The following KCNN2 variants were observed in gnomAD, a reference collection of about 807,000 sequenced individuals.
KCNN2 encodes the protein potassium calcium-activated channel subfamily N member 2, also known as small conductance calcium-activated potassium channel protein 2.
In KCNN2, 24 loss-of-function variants were observed where a neutral mutation model predicts 55.5. The observed-to-expected ratio is 0.43, with a 90% CI of 0.31 to 0.61. KCNN2 has a LOEUF of 0.61. KCNN2 is among the 20% of genes least tolerant of loss of function. KCNN2 has a pLI of 0.08. For missense variants in KCNN2, 754 were observed against 853.6 expected (o/e 0.88, Z 1.45); for synonymous variants, 431 against 336.1 (o/e 1.28, Z -3.09).
At chr5:114,265,324 G>GGTGTGTGT (rs60111802) in intron 2 of KCNN2, among the ~76,000 whole-genome samples, 1 of 149,126 alleles carries the variant, frequency 6.7e-6, no homozygotes, top group African/African-American at 2.5e-5. Context: ...ATCAAGAGGA[G>GGTGTGTGT]GTGTGTGTGT....
intron 2 of KCNN2, among the ~76,000 whole-genome samples, chr5:114,325,910 T>C (rs1459234216): frequency 6.6e-6 from 1 of 152,216 alleles, no homozygotes; most frequent in African/African-American, 2.4e-5. Flanking sequence ...CAGTACTATA[T>C]ACATCAAATG....
chr5:114,058,921 C>G (rs1242966929), intron 1 of KCNN2, among the ~76,000 whole-genome samples: 1 of 152,162 alleles, frequency 6.6e-6, no homozygotes, highest in Non-Finnish European at 1.5e-5. Flanking sequence ...AGGTTACTTA[C>G]TGCGCAGGAG....
chr5:114,229,552 A>G (rs144816683), intron 2 of KCNN2, among the ~76,000 whole-genome samples: 67 of 152,106 alleles, frequency 4.4e-4, no homozygotes, highest in African/African-American at 1.6e-3. Context: ...GATTTAGGAC[A>G]TATCAGAGTA....
chr5:114,234,026 CT>C (rs565192593), intron 2 of KCNN2, among the ~76,000 whole-genome samples: 221 of 145,142 alleles, frequency 1.5e-3, no homozygotes, highest in Non-Finnish European at 1.6e-3. Flanking sequence ...TTGGCTCTAG[CT>C]TTTTTTTTTT....
At chr5:114,450,178 TAG>T (rs1263565316) in intron 3 of KCNN2, among the ~76,000 whole-genome samples, 6 of 152,202 alleles carry the variant, frequency 3.9e-5, no homozygotes, top group Non-Finnish European at 8.8e-5. Context: ...CTTCTAAAAA[TAG>T]AGTCTGCCAG....
Position 114,493,411 on chromosome 5 carries a change from G to A in KCNN2, c.2027G>A (p.Ser676Asn), listed in dbSNP as rs970028461. ...CAGATTCTATCTTTTAGATTAAGAAGTGTAAAAATGGAGCAGAGGAAACTG... is the reference window on the plus strand; with the variant it reads ...CAGATTCTATCTTTTAGATTAAGAAATGTAAAAATGGAGCAGAGGAAACTG... ...KFLQAIHQLRSVKMEQRKLND... is the reference protein window; with the variant it reads ...KFLQAIHQLRNVKMEQRKLND... Residue 676 changes from serine (S) to asparagine (N), a missense_variant, in exon 7 of 8, where the codon AGT becomes AAT. Around this residue, in one of 4 missense-constraint regions of KCNN2, gnomAD observed 164 missense variants for 156.6 expected, o/e 1.05. Coordinates refer to ENST00000673685, the MANE Select transcript of KCNN2 (RefSeq NM_021614.4). 3.8e-6 allele frequency: 6 copies of A among 1,592,436 alleles called. No homozygotes were observed. Among genetic ancestry groups the A allele is most frequent in the Non-Finnish European group, 4.3e-6 (5 of 1,160,340 alleles).
intron 1 of KCNN2, among the ~76,000 whole-genome samples, chr5:114,177,082 A>C (rs898197064): frequency 6.6e-6 from 1 of 152,056 alleles, no homozygotes; most frequent in Admixed American, 6.6e-5. Flanking sequence ...AACATTTTCA[A>C]ATTATTAAAT....
intron 1 of KCNN2, among the ~76,000 whole-genome samples, chr5:114,087,689 TTTTC>T (rs1166788333): frequency 6.6e-6 from 1 of 152,152 alleles, no homozygotes; most frequent in Non-Finnish European, 1.5e-5. Flanking sequence ...CTTTTCCTCT[TTTTC>T]TTTTTTTCTT....
At chr5:114,481,303 A>G (rs530156058) in intron 5 of KCNN2, among the ~76,000 whole-genome samples, 1 of 152,286 alleles carries the variant, frequency 6.6e-6, no homozygotes, top group Non-Finnish European at 1.5e-5. Flanking sequence ...GAAATGAAGG[A>G]CCTCTTCAAG....
chr5:114,084,075 A>G (rs1750960775), intron 1 of KCNN2, among the ~76,000 whole-genome samples: 1 of 152,032 alleles, frequency 6.6e-6, no homozygotes, highest in Admixed American at 6.6e-5. Flanking sequence ...TTCTCTAGTC[A>G]CTTTTTGAAG....
chr5:114,456,702 A>G (rs1038039101), intron 3 of KCNN2, among the ~76,000 whole-genome samples: 1 of 152,246 alleles, frequency 6.6e-6, no homozygotes, highest in African/African-American at 2.4e-5. Flanking sequence ...CAAAATAGCA[A>G]CATTAACAGG....
chr5:114,220,986 G>A (rs908046276), intron 1 of KCNN2, among the ~76,000 whole-genome samples: 3 of 152,202 alleles, frequency 2.0e-5, no homozygotes, highest in Admixed American at 2.0e-4. Context: ...TGAATTGAAG[G>A]AAGACAGTTC....
intron 1 of KCNN2, among the ~76,000 whole-genome samples, chr5:114,069,094 C>T (rs1210015199): frequency 3.9e-5 from 6 of 152,174 alleles, no homozygotes; most frequent in African/African-American, 1.4e-4. Context: ...GGATTACAGG[C>T]GTGAGCCACC....
chr5:114,456,934 G>A (rs1291557538), intron 3 of KCNN2, among the ~76,000 whole-genome samples: 2 of 152,164 alleles, frequency 1.3e-5, no homozygotes, highest in East Asian at 3.8e-4. Flanking sequence ...ACTGTTTCTT[G>A]AGATGGAATC....
At chr5:114,267,342 G>A (rs1306293529) in intron 2 of KCNN2, among the ~76,000 whole-genome samples, 1 of 152,226 alleles carries the variant, frequency 6.6e-6, no homozygotes, top group Admixed American at 6.5e-5. Context: ...TTTCGTGTGA[G>A]CATCTCTGGA....
chr5:114,480,106 A>G (rs1339353042), intron 5 of KCNN2, among the ~76,000 whole-genome samples: 3 of 152,116 alleles, frequency 2.0e-5, no homozygotes, highest in African/African-American at 7.2e-5. Context: ...AATTAAAATA[A>G]ATAGATAGAC....
At chr5:114,180,658 A>G (rs979009438) in intron 1 of KCNN2, among the ~76,000 whole-genome samples, 1 of 152,190 alleles carries the variant, frequency 6.6e-6, no homozygotes, top group African/African-American at 2.4e-5. Flanking sequence ...TTTAATTGCC[A>G]CTTGCTTTAT....
At chr5:114,145,781 T>G (rs1379554990) in intron 1 of KCNN2, among the ~76,000 whole-genome samples, 1 of 152,068 alleles carries the variant, frequency 6.6e-6, no homozygotes, top group African/African-American at 2.4e-5. Flanking sequence ...TAACAGTCTG[T>G]GGAGTGACAC....
At chr5:114,105,074 C>T (rs1751455509) in intron 1 of KCNN2, among the ~76,000 whole-genome samples, 1 of 151,884 alleles carries the variant, frequency 6.6e-6, no homozygotes. Context: ...AATTATATAC[C>T]CCAGGAAATG....
Sources: gnomAD v4.1 joint callset for allele counts (sites outside exome capture counted in the v4.1 genomes callset) on GRCh38, gnomAD v4.1.1 for gene constraint, gnomAD v4.1.1 regional missense constraint, MANE v1.5 for transcripts, NCBI Gene and HGNC (gene_info 2026-07-23, HGNC 2026-07-21) for gene names.